Variants in USHBP1 observed in about 807,000 individuals in gnomAD.
USHBP1 encodes harmonin-binding protein USHBP1.
In USHBP1, 67 loss-of-function variants were observed where a neutral mutation model predicts 76.2. The ratio of observed to expected loss-of-function variants is 0.88; its 90% CI spans 0.72 to 1.08. USHBP1 has a LOEUF of 1.08. USHBP1 is among the 50% of genes least tolerant of loss of function. USHBP1 has a pLI of 0.00. For missense variants in USHBP1, 931 were observed against 915.0 expected, an observed-to-expected ratio of 1.02 and a Z score of -0.23; for synonymous variants, 322 against 362.2, an observed-to-expected ratio of 0.89 and a Z score of 1.26.
Position 17,262,564 on chromosome 19 carries a change from C to CGTCTCCT in USHBP1, c.623_629dup (p.Leu211GlyfsTer36), listed in dbSNP as rs1234757169. 4 of 1,604,524 alleles carry CGTCTCCT rather than the reference C, an allele frequency of 2.5e-6. No individual in the cohort carries two copies. The highest frequency in any genetic ancestry group is 3.4e-6 in the Non-Finnish European group (4 of 1,173,722). The stretch of plus-strand genomic sequence containing the variant: ...TGGCCCCACTCACCTCTTTCTGCAG[C>CGTCTCCT]GTCTCCTTCTCAGCTCGGATGGCCT... On this transcript the variant is annotated frameshift_variant, in exon 4 of 13. Transcript: ENST00000252597. LOFTEE classifies it high-confidence loss of function.
chr19:17,257,008 GT>G (rs1363231805), intron 8 of USHBP1, among the ~76,000 whole-genome samples: 1 of 150,442 alleles, frequency 6.6e-6, no homozygotes, highest in African/African-American at 2.4e-5. Flanking sequence ...AGGCAACAGA[GT>G]GAGAATCCGT....
intron 8 of USHBP1, among the ~76,000 whole-genome samples, chr19:17,256,977 C>A (rs1446411767): frequency 6.6e-6 from 1 of 151,144 alleles, no homozygotes; most frequent in Non-Finnish European, 1.5e-5. Flanking sequence ...TTGCTTGAAG[C>A]CAGAAGTTTG....
intron 8 of USHBP1, 42 bp downstream of exon 8, chr19:17,258,170 C>G: frequency 6.2e-7 from 1 of 1,610,322 alleles, no homozygotes; most frequent in African/African-American, 1.3e-5. Flanking sequence ...GTCAAGACCC[C>G]ACTCCTCAAC....
At position 17,256,562 on chromosome 19, in the gene USHBP1, GCT is replaced by G; in HGVS notation, c.1377_1378del (p.Glu459AspfsTer47). On this transcript the variant is annotated frameshift_variant, in exon 9 of 13. Transcript: ENST00000252597. LOFTEE classifies it high-confidence loss of function. Reference sequence around the variant, plus strand: ...GGTCCCCAGAATGGCCTGCACCATGGCTTCTGCACGGGGCACAGTGGGCATGG... The same window carrying G: ...GGTCCCCAGAATGGCCTGCACCATGGTCTGCACGGGGCACAGTGGGCATGG... 6.2e-7 allele frequency: 1 copy of G among 1,614,140 alleles called. No individual in the cohort carries two copies. Among genetic ancestry groups the G allele is most frequent in the East Asian group, 2.2e-5 (1 of 44,882 alleles).
At chr19:17,255,739 G>A in intron 9 of USHBP1, 133 bp from the exon 10 acceptor site, 1 of 985,310 alleles carries the variant, frequency 1.0e-6, no homozygotes, top group Non-Finnish European at 1.5e-6. Flanking sequence ...AGTGGCTCAT[G>A]CCTGTAATCC....
In USHBP1 at chr19:17,256,454, C is replaced by T. The variant is rs750748385; in HGVS notation, c.1470+17G>A. On this transcript the variant is annotated intron_variant, in intron 9 of 12. Coordinates refer to ENST00000252597, the MANE Select transcript of USHBP1 (RefSeq NM_031941.4). Reference sequence around the variant, plus strand: ...CCACCAAGAAAGACTGACACAGTGGCCACAGCCCATTTGTACCCTTGCGGC... The same window carrying T: ...CCACCAAGAAAGACTGACACAGTGGTCACAGCCCATTTGTACCCTTGCGGC... 7 of 1,612,474 alleles carry T rather than the reference C, an allele frequency of 4.3e-6. No individual in the cohort carries two copies. The South Asian group carries it at 5.5e-5, about 13-fold the overall frequency.
In USHBP1 at chr19:17,250,237, G is replaced by A. The variant is rs746279835; in HGVS notation, c.2100C>T (p.Asp700=). 1 of 1,609,824 alleles carries A rather than the reference G, an allele frequency of 6.2e-7. No individual in the cohort carries two copies. The highest frequency in any genetic ancestry group is 1.7e-5 in the Admixed American group (1 of 59,310). ...RPPLPPPQLG[D]TFL The stretch of plus-strand genomic sequence containing the variant: ...CTGGGTAAGGGGCCTACAGAAAGGT[G>A]TCCCCAAGCTGGGGAGGCGGGAGGG... The change falls in exon 13 of 13, where the codon GAC becomes GAT. Residue 700 remains aspartate (D), a synonymous_variant. Transcript: ENST00000252597.
intron 7 of USHBP1, among the ~76,000 whole-genome samples, chr19:17,259,028 G>A (rs2073655883): frequency 6.6e-6 from 1 of 152,022 alleles, no homozygotes; most frequent in African/African-American, 2.4e-5. Context: ...AGCTGGCTAT[G>A]GTGGCATACA....
intron 4 of USHBP1, 48 bp from the exon 5 acceptor site, chr19:17,260,070 C>G: frequency 6.3e-7 from 1 of 1,578,658 alleles, no homozygotes; most frequent in Non-Finnish European, 8.6e-7. Context: ...AAACCAACCA[C>G]CAGCCCTCTC....
chr19:17,260,483 C>T (rs992748098), intron 4 of USHBP1, among the ~76,000 whole-genome samples: 1 of 152,182 alleles, frequency 6.6e-6, no homozygotes, highest in Non-Finnish European at 1.5e-5. Flanking sequence ...GCATCTGCCA[C>T]CATGCCTGAC....
At chr19:17,255,357 C>T (rs1186608371) in intron 10 of USHBP1, 28 bp downstream of exon 10, 3 of 1,603,988 alleles carry the variant, frequency 1.9e-6, no homozygotes, top group Non-Finnish European at 2.6e-6. Flanking sequence ...AAGCTACTCC[C>T]CTACCAGGTT....
At chr19:17,255,315 C>A in intron 10 of USHBP1, 70 bp downstream of exon 10, 1 of 1,440,514 alleles carries the variant, frequency 6.9e-7, no homozygotes, top group Non-Finnish European at 9.4e-7. Flanking sequence ...AAAAAAAAGG[C>A]TGTGATTGAC....
Position 17,251,712 on chromosome 19 carries a change from G to A in USHBP1, c.1800-8C>T, listed in dbSNP as rs376165376. On this transcript the variant is annotated splice_polypyrimidine_tract_variant and splice_region_variant and intron_variant, in intron 11 of 12. Transcript: ENST00000252597. ...TCCTGCAGGTCCAGTGTCCTGTTGC[G>A]AAGGAGAAGAGAGGGGGCTCACAGC... 81 of 1,612,460 alleles carry A rather than the reference G, an allele frequency of 5.0e-5. No homozygotes were observed. Among genetic ancestry groups the A allele is most frequent in the African/African-American group, 2.4e-4 (18 of 74,910 alleles).
chr19:17,261,337 C>CTTTCTTTCTTT (rs747378053), intron 4 of USHBP1, among the ~76,000 whole-genome samples: 10 of 123,928 alleles, frequency 8.1e-5, no homozygotes, highest in African/African-American at 3.2e-4. Flanking sequence ...TTCTTTCTTT[C>CTTTCTTTCTTT]TTTTTTTTTT....
chr19:17,259,212 G>T lies in USHBP1; in HGVS notation c.1046+77C>A, dbSNP rs1463629134. ...AGTGGGGAAGGTGCTCTCCAGTGAGGGTTCTGTGGATTGGGGCCATCCTCA... is the reference window on the plus strand; with the variant it reads ...AGTGGGGAAGGTGCTCTCCAGTGAGTGTTCTGTGGATTGGGGCCATCCTCA... On this transcript the variant is annotated intron_variant, in intron 7 of 12. Transcript: ENST00000252597. 130 of 1,518,474 alleles carry T rather than the reference G, an allele frequency of 8.6e-5. 1 individual carries two copies. The allele number at this position is 1,518,474 out of a possible 1,614,324, so 94.1% of individuals were successfully genotyped here.
At chr19:17,261,702 A>C (rs1278677583) in intron 4 of USHBP1, among the ~76,000 whole-genome samples, 1 of 150,502 alleles carries the variant, frequency 6.6e-6, no homozygotes, top group Non-Finnish European at 1.5e-5. Context: ...CAGTGGTGAA[A>C]TCTCGGCTCA....
rs530329872 is a variant in USHBP1 at position 17,249,945 on chromosome 19, G to A, written c.*280C>T. On this transcript the variant is annotated 3_prime_UTR_variant, in exon 13 of 13. Transcript: ENST00000252597. ...GCAACCTCACGGACCCCCGAAATGC[G>A]TCAGTCCCAGGGACCTGGTCCCATA... The A allele has an allele frequency of 1.8e-5, 8 of 432,676 alleles. No homozygotes were observed. Among genetic ancestry groups the A allele is most frequent in the East Asian group, 1.4e-4 (3 of 20,766 alleles). 26.8% of individuals were successfully genotyped at this position (432,676 alleles called of 1,614,324 possible). A position where few individuals can be genotyped will look rare whatever the true frequency, so the allele number is the denominator to read the frequency against.
chr19:17,251,838 AGAC>A, intron 11 of USHBP1, 70 bp downstream of exon 11: 1 of 1,527,060 alleles, frequency 6.5e-7, no homozygotes, highest in Non-Finnish European at 8.8e-7. Flanking sequence ...CTTCTACTGC[AGAC>A]GACACCCCCG....
chr19:17,262,569 C>G lies in USHBP1; in HGVS notation c.625G>C (p.Glu209Gln), dbSNP rs1209838839. Residue 209 changes from glutamate (E) to glutamine (Q), a missense_variant, in exon 4 of 13, where the codon GAG (glutamate) becomes CAG (glutamine). Glu to Gln is a conservative substitution (Grantham distance 29, BLOSUM62 2). Transcript: ENST00000252597. The stretch of plus-strand genomic sequence containing the variant: ...CCACTCACCTCTTTCTGCAGCGTCT[C>G]CTTCTCAGCTCGGATGGCCTCCAGG... ...ASLEAIRAEK[E>Q]TLQKEVQELQ... The G allele has an allele frequency of 2.7e-5, 44 of 1,608,008 alleles. No homozygotes were observed. Among genetic ancestry groups the G allele is most frequent in the Non-Finnish European group, 3.7e-5 (43 of 1,175,968 alleles).
Sources: allele counts gnomAD v4.1 joint callset (sites outside exome capture counted in the v4.1 genomes callset), GRCh38; gene constraint gnomAD v4.1.1; transcripts MANE v1.5; gene names NCBI Gene and HGNC (gene_info 2026-07-23, HGNC 2026-07-21).